The following STRADA variants were observed in gnomAD, a reference collection of about 807,000 sequenced individuals.
The protein encoded by STRADA is STE20 related adaptor alpha.
In STRADA, 26 loss-of-function variants were observed where a neutral mutation model predicts 55.0. The ratio of observed to expected loss-of-function variants is 0.47; its 90% CI spans 0.35 to 0.66. STRADA has a LOEUF of 0.66. STRADA is among the 30% of genes least tolerant of loss of function. The pLI, the probability that STRADA is intolerant of heterozygous loss-of-function variation, is 0.01. For synonymous variants in STRADA, 197 were observed against 210.9 expected (o/e 0.93, Z 0.57); for missense variants, 443 against 549.7 (o/e 0.81, Z 1.94).
chr17:63,731,848 A>G lies in STRADA; in HGVS notation c.-44-3435T>C, dbSNP rs555710102. Among the ~76,000 whole-genome samples, 3 of 152,238 alleles carry G rather than the reference A, an allele frequency of 2.0e-5. No homozygotes were observed. In the East Asian group the frequency reaches 5.8e-4, roughly 29 times the overall value. Reference sequence around the variant, plus strand: ...TGGAAAAATTTTGGAATTTAAAAATAAAATCAAATTTTCTTTCTTTCTTTT... The same window carrying G: ...TGGAAAAATTTTGGAATTTAAAAATGAAATCAAATTTTCTTTCTTTCTTTT... On this transcript the variant is annotated intron_variant, in intron 1 of 12. Coordinates refer to ENST00000336174, the MANE Select transcript of STRADA (RefSeq NM_001003787.4).
chr17:63,703,537 A>G lies in STRADA; in HGVS notation c.*62T>C. On this transcript the variant is annotated 3_prime_UTR_variant, in exon 13 of 13. Transcript: ENST00000336174. ...GAGGGCGGGAATGTGGCCGGCCCTC[A>G]GGAAGGGCCTCTGGGTGGCCTCTGC... 2.0e-6 allele frequency: 3 copies of G among 1,504,226 alleles called. No individual in the cohort carries two copies. Among genetic ancestry groups the G allele is most frequent in the South Asian group, 2.5e-5 (2 of 81,370 alleles). 93.2% of individuals were successfully genotyped at this position (1,504,226 alleles called of 1,614,324 possible).
rs1341166869 is a variant in STRADA, at chr17:63,703,344, T to G, written c.*255A>C. The G allele has an allele frequency of 4.9e-6, 2 of 411,776 alleles. No individual in the cohort carries two copies. The highest frequency in any genetic ancestry group is 8.7e-6 in the Non-Finnish European group (2 of 228,670). The allele number at this position is 411,776 out of a possible 1,614,324, so 25.5% of individuals were successfully genotyped here. Reference sequence around the variant, plus strand: ...CTTCTGCGGAGGAGGTCACCTGAGCTCACAGGACTGGGAATGTCGGCTTTG... The same window carrying G: ...CTTCTGCGGAGGAGGTCACCTGAGCGCACAGGACTGGGAATGTCGGCTTTG... On this transcript the variant is annotated 3_prime_UTR_variant, in exon 13 of 13. Coordinates refer to ENST00000336174, the MANE Select transcript of STRADA (RefSeq NM_001003787.4).
Position 63,739,735 on chromosome 17 carries a change from G to A in STRADA, c.-45+2006C>T, listed in dbSNP as rs116264045. 8.1e-3 allele frequency among the ~76,000 whole-genome samples: 1,089 copies of A among 134,402 alleles called. 15 individuals are homozygous for A. The highest frequency in any genetic ancestry group is 0.032 in the African/African-American group (1,006 of 31,768). 88.2% of individuals were successfully genotyped at this position (134,402 alleles called of 152,430 possible). ...ATATAATTTTATGTGTATATATTATGTATACATATTGATACATTATATATT... is the reference window on the plus strand; with the variant it reads ...ATATAATTTTATGTGTATATATTATATATACATATTGATACATTATATATT... On this transcript the variant is annotated intron_variant, in intron 1 of 12. Transcript: ENST00000336174.
At position 63,704,203 on chromosome 17, in the gene STRADA, C is replaced by G. The variant is rs906951295; in HGVS notation, c.1100+138G>C. 5.2e-6 allele frequency: 8 copies of G among 1,526,004 alleles called. No homozygotes were observed. The African/African-American group carries it at 9.6e-5, about 18-fold the overall frequency. 94.5% of individuals were successfully genotyped at this position (1,526,004 alleles called of 1,614,324 possible). Reference sequence around the variant, plus strand: ...CTCCCCAGGCTGGCCTCTGACACACCCAGGAGCTGATCCCTCCTGTGTGTA... The same window carrying G: ...CTCCCCAGGCTGGCCTCTGACACACGCAGGAGCTGATCCCTCCTGTGTGTA... On this transcript the variant is annotated intron_variant, in intron 11 of 12. Transcript: ENST00000336174.
At chr17:63,727,910 A>G (rs1273074259) in intron 2 of STRADA, 1 of 154,132 alleles carries the variant, frequency 6.5e-6, no homozygotes, top group Non-Finnish European at 1.4e-5. Flanking sequence ...GTATAATAAA[A>G]TCTTTCATGT....
chr17:63,703,410 C>G lies in STRADA; in HGVS notation c.*189G>C. ...TGGTTGTTGAGATTCCCTTGTGTCT[C>G]AAAAGCCTTGGAGCAGTGAAGTGTC... On this transcript the variant is annotated 3_prime_UTR_variant, in exon 13 of 13. Transcript: ENST00000336174. 2 of 601,312 alleles carry G rather than the reference C, an allele frequency of 3.3e-6. No homozygotes were observed. The highest frequency in any genetic ancestry group is 5.7e-6 in the Non-Finnish European group (2 of 349,718). The allele number at this position is 601,312 out of a possible 1,614,324, so 37.2% of individuals were successfully genotyped here.
At chr17:63,736,324 A>T (rs1038157806) in intron 1 of STRADA, among the ~76,000 whole-genome samples, 1 of 152,076 alleles carries the variant, frequency 6.6e-6, no homozygotes. Flanking sequence ...GGAAGCTATG[A>T]GATATAAAAA....
rs1252632697 is a variant in STRADA, at chr17:63,732,758, G to A, written c.-44-4345C>T. Among the ~76,000 whole-genome samples the A allele has an allele frequency of 3.9e-5, 6 of 152,060 alleles. 1 individual carries two copies. The highest frequency in any genetic ancestry group is 1.4e-4 in the African/African-American group (6 of 41,496). On this transcript the variant is annotated intron_variant, in intron 1 of 12. Transcript: ENST00000336174. Reference sequence around the variant, plus strand: ...TGAAGTGAGCCACGATCGCACCACTGCACTCCAGCCTAGGTAACAGACTAT... The same window carrying A: ...TGAAGTGAGCCACGATCGCACCACTACACTCCAGCCTAGGTAACAGACTAT...
chr17:63,710,773 T>C lies in STRADA; in HGVS notation c.412A>G (p.Ile138Val), dbSNP rs767564418. 3.2e-5 allele frequency: 51 copies of C among 1,614,046 alleles called. No individual in the cohort carries two copies. The Admixed American group carries it at 6.2e-4, about 20-fold the overall frequency. The stretch of plus-strand genomic sequence containing the variant: ...ACAACCCACAGCTCATTGTCTGCAA[T>C]AAAAGTGGCTCGATATGGCACGATA... Reference protein sequence around the residue: ...PNIVPYRATFIADNELWVVTS... With the variant: ...PNIVPYRATFVADNELWVVTS... Residue 138 changes from isoleucine (I) to valine (V), a missense_variant, in exon 7 of 13, where the codon ATT becomes GTT. By Grantham distance (29) the Ile-to-Val change is conservative. Transcript: ENST00000336174.
intron 1 of STRADA, among the ~76,000 whole-genome samples, chr17:63,738,240 C>A (rs2038592971): frequency 6.8e-6 from 1 of 147,944 alleles, no homozygotes; most frequent in South Asian, 2.1e-4. Flanking sequence ...ACTTGGGAGG[C>A]TGAGGTAGGA....
intron 5 of STRADA, 83 bp downstream of exon 5, chr17:63,713,923 G>C: frequency 8.8e-7 from 1 of 1,131,064 alleles, no homozygotes; most frequent in Non-Finnish European, 1.3e-6. Context: ...GGCCTCTGCT[G>C]TACACACATC....
At chr17:63,717,989 G>A (rs2037016764) in intron 4 of STRADA, among the ~76,000 whole-genome samples, 1 of 152,120 alleles carries the variant, frequency 6.6e-6, no homozygotes. Flanking sequence ...AGGCTGGAGT[G>A]CAGTGGCAAG....
At chr17:63,739,942 G>A (rs2038766671) in intron 1 of STRADA, among the ~76,000 whole-genome samples, 1 of 147,360 alleles carries the variant, frequency 6.8e-6, no homozygotes, top group African/African-American at 2.5e-5. Flanking sequence ...ACTGGCTCCG[G>A]CAGTGCACCA....
chr17:63,709,432 G>A (rs2143828341), intron 8 of STRADA, among the ~76,000 whole-genome samples: 1 of 152,010 alleles, frequency 6.6e-6, no homozygotes, highest in East Asian at 1.9e-4. Context: ...CATTTTTCTT[G>A]CTTTGCTGTC....
intron 3 of STRADA, among the ~76,000 whole-genome samples, chr17:63,724,226 T>A (rs112530861): frequency 6.6e-6 from 1 of 151,376 alleles, no homozygotes; most frequent in Non-Finnish European, 1.5e-5. Context: ...CACTGCAACC[T>A]CCGCCTCCCG....
At chr17:63,737,004 T>G (rs1300600465) in intron 1 of STRADA, among the ~76,000 whole-genome samples, 1 of 151,740 alleles carries the variant, frequency 6.6e-6, no homozygotes, top group African/African-American at 2.4e-5. Flanking sequence ...ATCCCAGCAC[T>G]TTGGGAGGCT....
At chr17:63,710,866 AC>A (rs1437373213) in intron 6 of STRADA, 30 bp from the exon 7 acceptor site, 2 of 1,596,114 alleles carry the variant, frequency 1.3e-6, no homozygotes, top group Non-Finnish European at 1.7e-6. Flanking sequence ...TGAAGTCAGA[AC>A]CAAATGGCAC....
At position 63,726,973 on chromosome 17, in the gene STRADA, C is replaced by G. The variant is rs1031409761; in HGVS notation, c.37-278G>C. ...ATAATGAAGACTGTTTTTGCCTTCC[C>G]TATATTGGTTCCATCTTACTCGTTC... On this transcript the variant is annotated intron_variant, in intron 2 of 12. Coordinates refer to ENST00000336174, the MANE Select transcript of STRADA (RefSeq NM_001003787.4). 2.2e-5 allele frequency: 10 copies of G among 449,586 alleles called. No individual in the cohort carries two copies. In the South Asian group the frequency reaches 3.1e-4, roughly 14 times the overall value. 27.8% of individuals were successfully genotyped at this position (449,586 alleles called of 1,614,324 possible).
At chr17:63,704,911 A>G in intron 10 of STRADA, 1 of 1,535,932 alleles carries the variant, frequency 6.5e-7, no homozygotes, top group Non-Finnish European at 8.7e-7. Context: ...TCTTCACCCT[A>G]GAGGGAAGGA....
Sources: gnomAD v4.1 joint callset for allele counts (sites outside exome capture counted in the v4.1 genomes callset) on GRCh38, gnomAD v4.1.1 for gene constraint, MANE v1.5 for transcripts, NCBI Gene and HGNC (gene_info 2026-07-23, HGNC 2026-07-21) for gene names.